Variants in SEPTIN7 observed in about 807,000 individuals in gnomAD.
SEPTIN7 encodes septin-7.
Under a neutral mutation model 63.3 loss-of-function variants are expected in SEPTIN7, and 10 were observed. That is an observed-to-expected ratio of 0.16 (90% CI 0.10 to 0.27). The LOEUF is 0.27. Ranked by LOEUF, SEPTIN7 falls within the 10% of genes least tolerant of loss-of-function variation. The pLI, the probability that SEPTIN7 is intolerant of heterozygous loss-of-function variation, is 1.00. For synonymous variants in SEPTIN7, 131 were observed against 165.3 expected, an observed-to-expected ratio of 0.79 and a Z score of 1.59; for missense variants, 310 against 521.0, an observed-to-expected ratio of 0.59 and a Z score of 3.94.
chr7:35,824,891 T>C (rs1484043475), intron 1 of SEPTIN7, among the ~76,000 whole-genome samples: 5 of 152,222 alleles, frequency 3.3e-5, no homozygotes. Flanking sequence ...ATATTTTTGA[T>C]TCTTATACTA....
intron 1 of SEPTIN7, among the ~76,000 whole-genome samples, chr7:35,829,631 A>G (rs1371501650): frequency 1.3e-5 from 2 of 152,162 alleles, no homozygotes; most frequent in Non-Finnish European, 1.5e-5. Flanking sequence ...TATTCTTTGA[A>G]ACTACTGGTG....
chr7:35,857,030 A>T (rs1383106230), intron 3 of SEPTIN7, among the ~76,000 whole-genome samples: 1 of 152,100 alleles, frequency 6.6e-6, no homozygotes, highest in Non-Finnish European at 1.5e-5. Context: ...ATATAATCAG[A>T]TTTGATTTGA....
At chr7:35,834,655 T>C (rs1190906699) in intron 3 of SEPTIN7, among the ~76,000 whole-genome samples, 1 of 152,112 alleles carries the variant, frequency 6.6e-6, no homozygotes, top group African/African-American at 2.4e-5. Flanking sequence ...ATATATTGAG[T>C]GCAGGTATTA....
intron 1 of SEPTIN7, among the ~76,000 whole-genome samples, chr7:35,813,485 G>C (rs753340715): frequency 1.8e-4 from 28 of 151,962 alleles, no homozygotes; most frequent in Non-Finnish European, 3.7e-4. Flanking sequence ...CCTGGGTTCA[G>C]CTGCTGGCCT....
intron 1 of SEPTIN7, among the ~76,000 whole-genome samples, chr7:35,817,320 G>A (rs1038336004): frequency 6.6e-6 from 1 of 151,988 alleles, no homozygotes; most frequent in Non-Finnish European, 1.5e-5. Context: ...TTTCCATTGT[G>A]TGGTCTTGAC....
At chr7:35,851,569 C>A (rs1784962269) in intron 3 of SEPTIN7, among the ~76,000 whole-genome samples, 1 of 152,000 alleles carries the variant, frequency 6.6e-6, no homozygotes, top group African/African-American at 2.4e-5. Flanking sequence ...GAACTCTATT[C>A]TTAAATGTTT....
intron 3 of SEPTIN7, among the ~76,000 whole-genome samples, chr7:35,848,767 A>C (rs1321190574): frequency 2.6e-5 from 4 of 152,220 alleles, no homozygotes; most frequent in African/African-American, 4.8e-5. Context: ...AATCATGAAG[A>C]AAATGTTCTG....
Position 35,832,854 on chromosome 7 carries a change from C to T in SEPTIN7, c.123C>T (p.Tyr41=), listed in dbSNP as rs1783899494. ...TTGCCAATCTCCCAAATCAAGTATA[C>T]AGAAAATCGGTGAAGAGAGGTTTTG... The part of the protein sequence containing the change: ...VGFANLPNQV[Y]RKSVKRGFEF... The change falls in exon 3 of 14, where the codon TAC becomes TAT. Residue 41 remains tyrosine, a synonymous_variant. Coordinates refer to ENST00000350320, the MANE Select transcript of SEPTIN7 (RefSeq NM_001788.6). 1 of 1,611,426 alleles carries T rather than the reference C, an allele frequency of 6.2e-7. No homozygotes were observed. Among genetic ancestry groups the T allele is most frequent in the Non-Finnish European group, 8.5e-7 (1 of 1,177,788 alleles).
intron 3 of SEPTIN7, among the ~76,000 whole-genome samples, chr7:35,843,540 C>T (rs1166444641): frequency 6.6e-6 from 1 of 152,020 alleles, no homozygotes; most frequent in Admixed American, 6.6e-5. Flanking sequence ...CAGTATTTGA[C>T]TGTATTATAG....
chr7:35,858,772 C>G (rs1245615239), intron 3 of SEPTIN7, among the ~76,000 whole-genome samples: 1 of 151,928 alleles, frequency 6.6e-6, no homozygotes, highest in East Asian at 1.9e-4. Flanking sequence ...CCTCCGCCTC[C>G]TGGGTTCAAG....
At chr7:35,849,023 G>A (rs1162227452) in intron 3 of SEPTIN7, among the ~76,000 whole-genome samples, 2 of 152,196 alleles carry the variant, frequency 1.3e-5, no homozygotes, top group African/African-American at 4.8e-5. Flanking sequence ...TTAGTTCTTA[G>A]TACTGGTGTA....
intron 12 of SEPTIN7, chr7:35,899,114 A>G (rs1448633617): frequency 6.6e-6 from 1 of 152,268 alleles, no homozygotes; most frequent in Non-Finnish European, 1.5e-5. Flanking sequence ...TAAACTGAAC[A>G]TTAAAAATCC....
chr7:35,870,093 G>A lies in SEPTIN7; in HGVS notation c.277-2573G>A, dbSNP rs190749925. Among the ~76,000 whole-genome samples the A allele has an allele frequency of 9.4e-4, 143 of 152,270 alleles. 1 individual carries two copies. The highest frequency in any genetic ancestry group is 1.8e-3 in the Non-Finnish European group (123 of 68,020). On this transcript the variant is annotated intron_variant, in intron 4 of 13. Transcript: ENST00000350320. ...TAGGATACAGTCGGATCCTGTGAAT[G>A]GCACTAGTTTAGTTGTGTTTTCTGG...
At chr7:35,803,406 A>G (rs1788124322) in intron 1 of SEPTIN7, among the ~76,000 whole-genome samples, 1 of 152,196 alleles carries the variant, frequency 6.6e-6, no homozygotes, top group African/African-American at 2.4e-5. Flanking sequence ...CTTGGGGGAG[A>G]AGAGGGAGGA....
At chr7:35,851,666 A>G (rs1341227460) in intron 3 of SEPTIN7, among the ~76,000 whole-genome samples, 3 of 152,100 alleles carry the variant, frequency 2.0e-5, no homozygotes, top group Non-Finnish European at 4.4e-5. Context: ...GACTGATTAT[A>G]GTTCTCTATT....
chr7:35,892,522 A>C (rs1035118454), intron 11 of SEPTIN7, among the ~76,000 whole-genome samples: 6 of 152,174 alleles, frequency 3.9e-5, no homozygotes, highest in African/African-American at 7.2e-5. Flanking sequence ...GTACTAGTAC[A>C]TATTTTTTGT....
At chr7:35,835,600 T>A (rs890991808) in intron 3 of SEPTIN7, among the ~76,000 whole-genome samples, 1 of 152,114 alleles carries the variant, frequency 6.6e-6, no homozygotes, top group Non-Finnish European at 1.5e-5. Context: ...CTGGGTATAG[T>A]GCAGTGTTTA....
At chr7:35,883,027 A>G (rs1786997038) in intron 8 of SEPTIN7, among the ~76,000 whole-genome samples, 1 of 152,056 alleles carries the variant, frequency 6.6e-6, no homozygotes, top group Non-Finnish European at 1.5e-5. Flanking sequence ...TTTAGTCTAT[A>G]TTTTCAGATA....
At chr7:35,831,673 AATT>A (rs1416359412) in intron 2 of SEPTIN7, 177 bp downstream of exon 2, 3 of 243,374 alleles carry the variant, frequency 1.2e-5, no homozygotes, top group Admixed American at 5.7e-5. Flanking sequence ...TTAGTCTCCT[AATT>A]ATTATGTTTA....
Sources: gnomAD v4.1 joint callset for allele counts (sites outside exome capture counted in the v4.1 genomes callset) on GRCh38, gnomAD v4.1.1 for gene constraint, MANE v1.5 for transcripts, NCBI Gene and HGNC (gene_info 2026-07-23, HGNC 2026-07-21) for gene names.